CNTNAP4: variants seen among roughly 807,000 people sequenced by gnomAD.
CNTNAP4 encodes the protein contactin-associated protein-like 4.
Under a neutral mutation model 148.4 loss-of-function variants are expected in CNTNAP4, and 98 were observed. That is an observed-to-expected ratio of 0.66 (90% CI 0.56 to 0.78). CNTNAP4 has a LOEUF of 0.78. Ranked by LOEUF, CNTNAP4 falls within the 30% of genes least tolerant of loss-of-function variation. CNTNAP4 has a pLI of 0.00. For synonymous variants in CNTNAP4, 730 were observed against 565.1 expected, an observed-to-expected ratio of 1.29 and a Z score of -4.14; for missense variants, 1,935 against 1,565.6, an observed-to-expected ratio of 1.24 and a Z score of -3.98.
rs1290978416 is a variant in CNTNAP4 at position 76,522,686 on chromosome 16, CCTTTCTTTTCTTTT to C, written c.2755+434_2755+447del. On this transcript the variant is annotated intron_variant, in intron 17 of 23. Transcript: ENST00000611870. ...TCTTTCCTTCTTTCTCTCTTTCTCT[CCTTTCTTTTCTTTT>C]CTTTTCTTTTCTTTTCTTTTCTTTT... Among the ~76,000 whole-genome samples, 365 of 79,650 alleles carry C rather than the reference CCTTTCTTTTCTTTT, an allele frequency of 4.6e-3. 58 individuals are homozygous for C. The highest frequency in any genetic ancestry group is 0.014 in the African/African-American group (321 of 22,284). The allele number at this position is 79,650 out of a possible 152,430, so 52.3% of individuals were successfully genotyped here. A position where few individuals can be genotyped will look rare whatever the true frequency, so the allele number is the denominator to read the frequency against.
intron 3 of CNTNAP4, among the ~76,000 whole-genome samples, chr16:76,396,248 A>G (rs1284236373): frequency 6.6e-6 from 1 of 152,206 alleles, no homozygotes; most frequent in East Asian, 1.9e-4. Context: ...TTTGCCATTT[A>G]ATTCAATAAA....
chr16:76,479,312 A>C, intron 11 of CNTNAP4, 107 bp from the exon 12 acceptor site: 1 of 929,652 alleles, frequency 1.1e-6, no homozygotes, highest in Non-Finnish European at 1.5e-6. Context: ...TCTCCTGGTC[A>C]GTAATGTACA....
At chr16:76,358,947 C>G (rs971075564) in intron 3 of CNTNAP4, among the ~76,000 whole-genome samples, 1 of 152,038 alleles carries the variant, frequency 6.6e-6, no homozygotes, top group Non-Finnish European at 1.5e-5. Context: ...AAGTTTTATT[C>G]TATTCCATAG....
At chr16:76,441,497 T>A (rs1597550883) in intron 4 of CNTNAP4, among the ~76,000 whole-genome samples, 1 of 152,268 alleles carries the variant, frequency 6.6e-6, no homozygotes, top group East Asian at 1.9e-4. Context: ...GTCTCTTCTT[T>A]CCTCGATTCT....
At chr16:76,397,311 A>C (rs1465941115) in intron 3 of CNTNAP4, among the ~76,000 whole-genome samples, 1 of 152,094 alleles carries the variant, frequency 6.6e-6, no homozygotes, top group East Asian at 1.9e-4. Context: ...GGGGTATGAC[A>C]GTCAGAAGAA....
intron 1 of CNTNAP4, among the ~76,000 whole-genome samples, chr16:76,314,586 A>G (rs573779251): frequency 7.4e-4 from 112 of 152,338 alleles, no homozygotes; most frequent in Non-Finnish European, 1.3e-3. Flanking sequence ...AAGCAAAATT[A>G]GGGATGCTTT....
At chr16:76,435,263 A>T (rs567975577) in intron 4 of CNTNAP4, among the ~76,000 whole-genome samples, 31 of 152,238 alleles carry the variant, frequency 2.0e-4, no homozygotes, top group Non-Finnish European at 3.1e-4. Context: ...GAAGTTTTCT[A>T]CTTATATAAA....
At chr16:76,424,948 C>T (rs760060606) in intron 3 of CNTNAP4, among the ~76,000 whole-genome samples, 6 of 152,024 alleles carry the variant, frequency 3.9e-5, no homozygotes, top group Non-Finnish European at 7.4e-5. Context: ...GGTGAATCAT[C>T]GGGATTGCCA....
intron 3 of CNTNAP4, among the ~76,000 whole-genome samples, chr16:76,376,860 G>C (rs2015462703): frequency 6.6e-6 from 1 of 151,870 alleles, no homozygotes; most frequent in Non-Finnish European, 1.5e-5. Flanking sequence ...AGGTTGATAG[G>C]AGATTGTATT....
intron 3 of CNTNAP4, among the ~76,000 whole-genome samples, chr16:76,384,956 A>G (rs2016365629): frequency 6.6e-6 from 1 of 152,218 alleles, no homozygotes; most frequent in African/African-American, 2.4e-5. Context: ...CAATGAGTTA[A>G]TTTACAGTCA....
At chr16:76,356,711 G>A (rs1051912830) in intron 3 of CNTNAP4, among the ~76,000 whole-genome samples, 3 of 152,114 alleles carry the variant, frequency 2.0e-5, no homozygotes, top group African/African-American at 7.2e-5. Context: ...GTCATTCTTA[G>A]CACACAGATA....
At chr16:76,331,135 T>G (rs1401842474) in intron 2 of CNTNAP4, among the ~76,000 whole-genome samples, 1 of 152,074 alleles carries the variant, frequency 6.6e-6, no homozygotes. Flanking sequence ...ATTTTTTTTT[T>G]TGTGGTCTAC....
Position 76,449,411 on chromosome 16 carries a change from A to G in CNTNAP4, c.928-304A>G, listed in dbSNP as rs534633558. On this transcript the variant is annotated intron_variant, in intron 6 of 23. Coordinates refer to ENST00000611870, the MANE Select transcript of CNTNAP4 (RefSeq NM_033401.5). ...ATGTGCTAGAAGCGTATCTAAAATA[A>G]AATATTATAATTGGTTATAGTATTA... Among the ~76,000 whole-genome samples the G allele has an allele frequency of 3.7e-4, 56 of 152,326 alleles. 1 individual carries two copies. The highest frequency in any genetic ancestry group is 1.2e-3 in the Admixed American group (18 of 15,304).
At chr16:76,396,461 G>A (rs753742595) in intron 3 of CNTNAP4, among the ~76,000 whole-genome samples, 1 of 152,188 alleles carries the variant, frequency 6.6e-6, no homozygotes, top group Admixed American at 6.5e-5. Context: ...TGAAGAGAGA[G>A]CTGTTACTCA....
chr16:76,308,531 A>G (rs1341232667), intron 1 of CNTNAP4, among the ~76,000 whole-genome samples: 3 of 152,224 alleles, frequency 2.0e-5, no homozygotes, highest in African/African-American at 4.8e-5. Flanking sequence ...GTGTCACACC[A>G]CAAAAGTTCC....
intron 3 of CNTNAP4, among the ~76,000 whole-genome samples, chr16:76,358,600 C>T (rs538713468): frequency 5.2e-4 from 79 of 152,200 alleles, no homozygotes; most frequent in African/African-American, 1.8e-3. Context: ...AAAGCATGGA[C>T]ATTGGGGATA....
At chr16:76,507,716 G>C (rs1267347926) in intron 15 of CNTNAP4, among the ~76,000 whole-genome samples, 1 of 97,772 alleles carries the variant, frequency 1.0e-5, no homozygotes, top group African/African-American at 2.6e-5. Flanking sequence ...AGTATGTTCA[G>C]AACCAGAAAC....
chr16:76,403,620 T>C (rs1324465239), intron 3 of CNTNAP4, among the ~76,000 whole-genome samples: 2 of 152,142 alleles, frequency 1.3e-5, no homozygotes, highest in Non-Finnish European at 2.9e-5. Flanking sequence ...AATTCAACCA[T>C]TGTGGAAAAC....
intron 2 of CNTNAP4, among the ~76,000 whole-genome samples, chr16:76,321,820 T>A (rs1166228501): frequency 6.6e-6 from 1 of 150,642 alleles, no homozygotes; most frequent in Non-Finnish European, 1.5e-5. Context: ...TTATAATAAT[T>A]AAATTTTTAA....
Sources: allele counts gnomAD v4.1 joint callset (sites outside exome capture counted in the v4.1 genomes callset), GRCh38; gene constraint gnomAD v4.1.1; transcripts MANE v1.5; gene names NCBI Gene and HGNC (gene_info 2026-07-23, HGNC 2026-07-21).